SLIT2: variants seen among roughly 807,000 people sequenced by gnomAD.
SLIT2 encodes slit guidance ligand 2.
Under a neutral mutation model 185.7 loss-of-function variants are expected in SLIT2, and 41 were observed. That is an observed-to-expected ratio of 0.22 (90% CI 0.17 to 0.29). The LOEUF is 0.29. Ranked by LOEUF, SLIT2 falls within the 10% of genes least tolerant of loss-of-function variation. The pLI is 1.00. For synonymous variants in SLIT2, 693 were observed against 680.2 expected (o/e 1.02, Z -0.29); for missense variants, 1,571 against 1,909.0 (o/e 0.82, Z 3.30).
chr4:20,253,051 C>G lies in SLIT2; in HGVS notation c.-765C>G, dbSNP rs1161599023. On this transcript the variant is annotated 5_prime_UTR_variant, in exon 1 of 37. Coordinates refer to ENST00000504154, the MANE Select transcript of SLIT2 (RefSeq NM_004787.4). ...TGGTGCAGAGCGTCGCCAAGGACGC[C>G]GAGCGGGAGGCGGGATTGCCCAGAC... Among the ~76,000 whole-genome samples, 1 of 152,120 alleles carries G rather than the reference C, an allele frequency of 6.6e-6. No individual in the cohort carries two copies. The highest frequency in any genetic ancestry group is 1.5e-5 in the Non-Finnish European group (1 of 68,016).
At position 20,563,449 on chromosome 4, in the gene SLIT2, A is replaced by G. The variant is rs572955680; in HGVS notation, c.2726-3813A>G. ...AAGCAGCAATGAAAGAACAAAGAGA[A>G]CCTCTTCTGTTTCTTAAAGGTGTAC... On this transcript the variant is annotated intron_variant, in intron 26 of 36. Coordinates refer to ENST00000504154, the MANE Select transcript of SLIT2 (RefSeq NM_004787.4). Among the ~76,000 whole-genome samples the G allele has an allele frequency of 1.3e-4, 19 of 151,908 alleles. No homozygotes were observed. In the South Asian group the frequency reaches 3.7e-3, roughly 30 times the overall value.
rs1472141736 is a variant in SLIT2, at chr4:20,254,815, C to G, written c.179+821C>G. On this transcript the variant is annotated intron_variant, in intron 1 of 36. Transcript: ENST00000504154. The surrounding 1 kb of genome is among the most constrained non-coding windows in gnomAD (Gnocchi z 5.1). Reference sequence around the variant, plus strand: ...GCCCTTCCTGCTGAACCCCTGCGTCCCCATCCACCTTTCTGGCAGTTTCTG... The same window carrying G: ...GCCCTTCCTGCTGAACCCCTGCGTCGCCATCCACCTTTCTGGCAGTTTCTG... 2 of 418,252 alleles carry G rather than the reference C, an allele frequency of 4.8e-6. No homozygotes were observed. Among genetic ancestry groups the G allele is most frequent in the African/African-American group, 4.0e-5 (2 of 49,436 alleles). The allele number at this position is 418,252 out of a possible 1,614,324, so 25.9% of individuals were successfully genotyped here. A position where few individuals can be genotyped will look rare whatever the true frequency, so the allele number is the denominator to read the frequency against.
chr4:20,464,386 A>G (rs1321462520), intron 4 of SLIT2, among the ~76,000 whole-genome samples: 8 of 152,284 alleles, frequency 5.3e-5, no homozygotes, highest in South Asian at 4.1e-4. Context: ...TTGGTATGAA[A>G]AAATCTGAAA....
intron 4 of SLIT2, among the ~76,000 whole-genome samples, chr4:20,310,450 CCAA>C (rs1255604612): frequency 6.6e-6 from 1 of 152,136 alleles, no homozygotes; most frequent in Non-Finnish European, 1.5e-5. Flanking sequence ...TCCTAGGGCA[CCAA>C]CCTGGATATC....
At chr4:20,323,060 C>A (rs750549634) in intron 4 of SLIT2, among the ~76,000 whole-genome samples, 2 of 152,088 alleles carry the variant, frequency 1.3e-5, no homozygotes, top group Non-Finnish European at 2.9e-5. Flanking sequence ...ATTTTGCAGA[C>A]AAAGGAACTA....
At chr4:20,495,235 A>G (rs1419413348) in intron 9 of SLIT2, among the ~76,000 whole-genome samples, 2 of 152,226 alleles carry the variant, frequency 1.3e-5, no homozygotes, top group East Asian at 3.9e-4. Flanking sequence ...GAAAAAGACA[A>G]TTGTTGCTCT....
chr4:20,575,726 A>T (rs1386572758), intron 29 of SLIT2, among the ~76,000 whole-genome samples: 1 of 152,136 alleles, frequency 6.6e-6, no homozygotes, highest in Non-Finnish European at 1.5e-5. Context: ...CTCGCTGTGC[A>T]CAATTGTCCT....
Position 20,484,670 on chromosome 4 carries a change from C to G in SLIT2, c.540-1530C>G, listed in dbSNP as rs1717033924. 6.6e-6 allele frequency among the ~76,000 whole-genome samples: 1 copy of G among 152,094 alleles called. No individual in the cohort carries two copies. The highest frequency in any genetic ancestry group is 2.4e-5 in the African/African-American group (1 of 41,428). On this transcript the variant is annotated intron_variant, in intron 6 of 36. Transcript: ENST00000504154. This position sits in a 1 kb window ranked among gnomAD's most constrained non-coding sequence, Gnocchi z 4.3. ...GGCCTCAAAAATATATTTTGTGTAG[C>G]TCAAACATAAGCGGTCTACAGACTG...
At chr4:20,452,147 A>G (rs1048021253) in intron 4 of SLIT2, among the ~76,000 whole-genome samples, 1 of 152,196 alleles carries the variant, frequency 6.6e-6, no homozygotes, top group African/African-American at 2.4e-5. Flanking sequence ...TGCATATTCA[A>G]TGGATTTGTA....
intron 4 of SLIT2, chr4:20,393,266 C>T (rs963756900): frequency 3.3e-5 from 5 of 151,998 alleles, no homozygotes; most frequent in African/African-American, 4.8e-5. Context: ...GTTTGGATTT[C>T]TTCTGATCTC....
At position 20,253,055 on chromosome 4, in the gene SLIT2, C is replaced by A. The variant is rs1401310743; in HGVS notation, c.-761C>A. 6.6e-6 allele frequency among the ~76,000 whole-genome samples: 1 copy of A among 152,174 alleles called. No homozygotes were observed. The highest frequency in any genetic ancestry group is 2.4e-5 in the African/African-American group (1 of 41,448). Reference sequence around the variant, plus strand: ...GCAGAGCGTCGCCAAGGACGCCGAGCGGGAGGCGGGATTGCCCAGACATCC... The same window carrying A: ...GCAGAGCGTCGCCAAGGACGCCGAGAGGGAGGCGGGATTGCCCAGACATCC... On this transcript the variant is annotated 5_prime_UTR_variant, in exon 1 of 37. Transcript: ENST00000504154.
At chr4:20,541,397 A>G in intron 19 of SLIT2, 56 bp from the exon 20 acceptor site, 1 of 1,504,508 alleles carries the variant, frequency 6.6e-7, no homozygotes, top group African/African-American at 1.4e-5. Context: ...GGGTTTAGAG[A>G]AGGAAGAAGA....
chr4:20,552,728 A>G (rs1408277480), intron 25 of SLIT2: 1 of 152,188 alleles, frequency 6.6e-6, no homozygotes, highest in African/African-American at 2.4e-5. Flanking sequence ...TTCAGGGGCT[A>G]CCTAAAAAAA....
Position 20,620,055 on chromosome 4 carries a change from CAA to C in SLIT2, c.*1048_*1049del, listed in dbSNP as rs1729967984. 1 of 196,266 alleles carries C rather than the reference CAA, an allele frequency of 5.1e-6. No individual in the cohort carries two copies. The highest frequency in any genetic ancestry group is 2.4e-5 in the African/African-American group (1 of 42,316). 12.2% of individuals were successfully genotyped at this position (196,266 alleles called of 1,614,324 possible). ...ATTCAGGACACCTGCAGAGAGTATG[CAA>C]AGTCCGAGAGAGGAAAACAGAAATC... On this transcript the variant is annotated 3_prime_UTR_variant, in exon 37 of 37. Coordinates refer to ENST00000504154, the MANE Select transcript of SLIT2 (RefSeq NM_004787.4).
At chr4:20,344,931 A>C (rs1721266067) in intron 4 of SLIT2, among the ~76,000 whole-genome samples, 1 of 152,158 alleles carries the variant, frequency 6.6e-6, no homozygotes, top group Non-Finnish European at 1.5e-5. Context: ...TTAATTTTAA[A>C]TTCTGTAGTG....
rs1721749492 is a variant in SLIT2, at chr4:20,530,953, C to T, written c.1614-1031C>T. On this transcript the variant is annotated intron_variant, in intron 16 of 36. Coordinates refer to ENST00000504154, the MANE Select transcript of SLIT2 (RefSeq NM_004787.4). ...ACAATGAGATACCATTTTAGACCCA[C>T]TGGAATGGCTAAAAAAAAAAAACAA... 2.0e-5 allele frequency among the ~76,000 whole-genome samples: 3 copies of T among 150,016 alleles called. No individual in the cohort carries two copies. The South Asian group carries it at 6.3e-4, about 31-fold the overall frequency.
At chr4:20,584,269 C>T (rs1164247874) in intron 29 of SLIT2, among the ~76,000 whole-genome samples, 2 of 152,174 alleles carry the variant, frequency 1.3e-5, no homozygotes, top group Non-Finnish European at 2.9e-5. Context: ...CCGTAGAAGG[C>T]CATCCTAGAC....
At chr4:20,563,245 C>T (rs1025719110) in intron 26 of SLIT2, among the ~76,000 whole-genome samples, 1 of 151,792 alleles carries the variant, frequency 6.6e-6, no homozygotes, top group Admixed American at 6.6e-5. Flanking sequence ...TCCAGTTCAC[C>T]TCGACTGTTC....
At chr4:20,281,800 C>A (rs1714801054) in intron 4 of SLIT2, among the ~76,000 whole-genome samples, 2 of 152,136 alleles carry the variant, frequency 1.3e-5, no homozygotes, top group Admixed American at 1.3e-4. Context: ...ATTACTGCAG[C>A]AAATAATGTG....
Sources: gnomAD v4.1 joint callset for allele counts (sites outside exome capture counted in the v4.1 genomes callset) on GRCh38, gnomAD v4.1.1 for gene constraint, Gnocchi (gnomAD v3.1) non-coding constraint, MANE v1.5 for transcripts, NCBI Gene and HGNC (gene_info 2026-07-23, HGNC 2026-07-21) for gene names.